Variants in CDK13 observed in about 807,000 individuals in gnomAD.
CDK13 encodes cyclin dependent kinase 13.
Under a neutral mutation model 137.6 loss-of-function variants are expected in CDK13, and 40 were observed. The ratio of observed to expected loss-of-function variants is 0.29; its 90% confidence interval spans 0.23 to 0.38. The LOEUF is 0.38. CDK13 is among the 10% of genes least tolerant of loss of function. CDK13 has a pLI of 1.00. For synonymous variants in CDK13, 869 were observed against 760.1 expected, an observed-to-expected ratio of 1.14 and a Z score of -2.36; for missense variants, 1,704 against 1,951.8, an observed-to-expected ratio of 0.87 and a Z score of 2.39.
At chr7:39,960,635 G>T (rs1296089163) in intron 1 of CDK13, among the ~76,000 whole-genome samples, 1 of 152,028 alleles carries the variant, frequency 6.6e-6, no homozygotes, top group Admixed American at 6.6e-5. Flanking sequence ...GCAGTGGCGT[G>T]ATCTCGGCTC....
At chr7:40,089,437 CAAAA>C (rs67433312) in intron 12 of CDK13, among the ~76,000 whole-genome samples, 54 of 123,808 alleles carry the variant, frequency 4.4e-4, no homozygotes, top group Non-Finnish European at 6.2e-4. Flanking sequence ...GAGACTGTCT[CAAAA>C]AAAAAAAAAA....
intron 7 of CDK13, among the ~76,000 whole-genome samples, chr7:40,058,579 C>CGGGGGG (rs199819278): frequency 3.5e-5 from 1 of 28,526 alleles, no homozygotes. Context: ...GCAGGGCGGG[C>CGGGGGG]GGGGGGGTGC....
intron 5 of CDK13, 83 bp from the exon 6 acceptor site, chr7:40,045,753 C>A: frequency 1.2e-6 from 1 of 865,786 alleles, no homozygotes; most frequent in Non-Finnish European, 1.8e-6. Flanking sequence ...CTTCCTCTAC[C>A]AGCCTTTTAT....
Position 39,987,716 on chromosome 7 carries a change from A to G in CDK13, c.1329A>G (p.Leu443=), listed in dbSNP as rs1293921359. 2.5e-6 allele frequency: 4 copies of G among 1,614,160 alleles called. No homozygotes were observed. In the South Asian group the frequency reaches 4.4e-5, roughly 18 times the overall value. Residue 443 remains leucine (L), a synonymous_variant, in exon 2 of 14, where the codon CTA becomes CTG. Coordinates refer to ENST00000181839, the MANE Select transcript of CDK13 (RefSeq NM_003718.5). ...SRHSSISPST[L]TLKSSLAAEL... ...ATTCTAGTATTTCTCCTAGCACACT[A>G]ACTCTGAAGAGTAGCCTGGCAGCTG...
intron 4 of CDK13, 128 bp downstream of exon 4, chr7:39,999,628 CTT>C (rs1554326783): frequency 1.3e-5 from 12 of 948,394 alleles, no homozygotes; most frequent in African/African-American, 1.7e-5. Context: ...TTTGTTTCAT[CTT>C]GTTTTTTTAT....
chr7:40,020,258 G>GTTTCAGTA (rs1785085267), intron 5 of CDK13, among the ~76,000 whole-genome samples: 3 of 151,920 alleles, frequency 2.0e-5, no homozygotes, highest in African/African-American at 7.3e-5. Context: ...AGTAGAGATG[G>GTTTCAGTA]GGTTTCTCTG....
At chr7:40,064,864 T>C (rs1394695737) in intron 9 of CDK13, among the ~76,000 whole-genome samples, 1 of 149,226 alleles carries the variant, frequency 6.7e-6, no homozygotes, top group Non-Finnish European at 1.5e-5. Flanking sequence ...CAGTCATGGC[T>C]CACTGCAGCC....
intron 5 of CDK13, among the ~76,000 whole-genome samples, chr7:40,036,841 A>G (rs976054917): frequency 3.3e-5 from 5 of 152,272 alleles, no homozygotes; most frequent in South Asian, 4.1e-4. Flanking sequence ...GAGACCTTAT[A>G]GTTAACAAAA....
intron 9 of CDK13, chr7:40,070,951 G>T (rs1037355304): frequency 6.6e-6 from 1 of 152,154 alleles, no homozygotes; most frequent in East Asian, 1.9e-4. Context: ...TGAAGAAATT[G>T]AAAGTAGATT....
intron 9 of CDK13, chr7:40,067,760 G>C (rs1052832962): frequency 6.6e-6 from 1 of 151,590 alleles, no homozygotes; most frequent in African/African-American, 2.4e-5. Context: ...ACCATGCCTG[G>C]CCAACATGGT....
At position 39,951,126 on chromosome 7, in the gene CDK13, C is replaced by G. The variant is rs1216683440; in HGVS notation, c.485C>G (p.Ala162Gly). 3.9e-5 allele frequency: 48 copies of G among 1,243,154 alleles called. No homozygotes were observed. Among genetic ancestry groups the G allele is most frequent in the East Asian group, 1.3e-4 (4 of 31,686 alleles). The allele number at this position is 1,243,154 out of a possible 1,614,324, so 77.0% of individuals were successfully genotyped here. ...GAGCAGGGGCTGCTGCTGGGGGGGG[C>G]CAGCGCGGCAACGGCGGCGACGGCT... ...QSEQGLLLGG[A>G]SAATAATAAG... The change falls in exon 1 of 14, where the codon GCC becomes GGC. Residue 162 changes from alanine to glycine, a missense_variant. Physicochemically the swap from Ala to Gly is moderately conservative, Grantham distance 60. This residue lies in a region of CDK13 where 1,051 missense variants were observed against 931.0 expected (regional missense o/e 1.13). Transcript: ENST00000181839.
At chr7:40,093,577 C>T (rs543158455) in intron 13 of CDK13, among the ~76,000 whole-genome samples, 4 of 152,208 alleles carry the variant, frequency 2.6e-5, no homozygotes, top group East Asian at 1.9e-4. Flanking sequence ...ATGAAGTATA[C>T]GTGAATTCTG....
intron 5 of CDK13, among the ~76,000 whole-genome samples, chr7:40,037,216 A>G (rs550823925): frequency 2.0e-5 from 3 of 152,186 alleles, no homozygotes; most frequent in Admixed American, 6.5e-5. Flanking sequence ...AGAAGCTACT[A>G]TATCTTGAAG....
At position 39,987,303 on chromosome 7, in the gene CDK13, G is replaced by A. The variant is rs150815579; in HGVS notation, c.1212-296G>A. On this transcript the variant is annotated intron_variant, in intron 1 of 13. Coordinates refer to ENST00000181839, the MANE Select transcript of CDK13 (RefSeq NM_003718.5). ...TGCTGCTACTACTACCATTGATGTA[G>A]CCTTATTGCCTACTTCTTTTTTCTG... is the stretch of plus-strand genomic sequence containing the variant. Among the ~76,000 whole-genome samples the A allele has an allele frequency of 4.6e-4, 70 of 152,160 alleles. No individual in the cohort carries two copies. In the East Asian group the frequency reaches 5.4e-3, roughly 12 times the overall value.
chr7:40,050,090 C>G (rs1785851683), intron 7 of CDK13, among the ~76,000 whole-genome samples: 2 of 151,964 alleles, frequency 1.3e-5, no homozygotes, highest in African/African-American at 4.8e-5. Flanking sequence ...AGTGATTCTC[C>G]TGCCTCAGCC....
intron 1 of CDK13, among the ~76,000 whole-genome samples, chr7:39,957,493 A>G (rs1301825131): frequency 1.3e-5 from 2 of 152,170 alleles, no homozygotes; most frequent in African/African-American, 4.8e-5. Context: ...ATTAGTGCAA[A>G]CCAGTCTGCA....
chr7:40,017,392 GT>G (rs1363861470), intron 5 of CDK13, among the ~76,000 whole-genome samples: 1 of 151,948 alleles, frequency 6.6e-6, no homozygotes, highest in African/African-American at 2.4e-5. Flanking sequence ...TTATAAGGAA[GT>G]TTATTCAATT....
chr7:40,013,512 A>G (rs748061051), intron 5 of CDK13, among the ~76,000 whole-genome samples: 5 of 152,256 alleles, frequency 3.3e-5, no homozygotes, highest in Non-Finnish European at 7.3e-5. Flanking sequence ...TAGTCACAAC[A>G]GACTATGTAT....
chr7:40,039,654 ACTCC>A (rs1785562930), intron 5 of CDK13, among the ~76,000 whole-genome samples: 1 of 151,024 alleles, frequency 6.6e-6, no homozygotes, highest in South Asian at 2.1e-4. Flanking sequence ...CTGGTCTCGA[ACTCC>A]TGACCTCAAG....
Sources: gnomAD v4.1 joint callset for allele counts (sites outside exome capture counted in the v4.1 genomes callset) on GRCh38, gnomAD v4.1.1 for gene constraint, gnomAD v4.1.1 regional missense constraint, MANE v1.5 for transcripts, NCBI Gene and HGNC (gene_info 2026-07-23, HGNC 2026-07-21) for gene names.